Variants in UBE2E2 observed in about 807,000 individuals in gnomAD.
The protein encoded by UBE2E2 is ubiquitin conjugating enzyme E2 E2.
Under a neutral mutation model 24.7 loss-of-function variants are expected in UBE2E2, and 6 were observed. The observed-to-expected ratio is 0.24, with a 90% CI of 0.13 to 0.48. UBE2E2 has a LOEUF of 0.48. Among genes scored for constraint, UBE2E2 ranks in the 20% least tolerant of loss-of-function variants. UBE2E2 has a pLI of 0.99. For synonymous variants in UBE2E2, 104 were observed against 83.6 expected, an observed-to-expected ratio of 1.24 and a Z score of -1.33; for missense variants, 169 against 245.0, an observed-to-expected ratio of 0.69 and a Z score of 2.07.
chr3:23,342,421 A>G (rs1695418541), intron 3 of UBE2E2, among the ~76,000 whole-genome samples: 1 of 152,168 alleles, frequency 6.6e-6, no homozygotes, highest in African/African-American at 2.4e-5. Context: ...TTTATTTAGC[A>G]CAGGAGGGGA....
At chr3:23,523,244 A>G (rs1023251472) in intron 4 of UBE2E2, among the ~76,000 whole-genome samples, 3 of 152,222 alleles carry the variant, frequency 2.0e-5, no homozygotes, top group African/African-American at 7.2e-5. Flanking sequence ...GTAGGAGTTG[A>G]GAGTAATTTG....
At chr3:23,285,452 C>G (rs889157739) in intron 3 of UBE2E2, among the ~76,000 whole-genome samples, 4 of 152,212 alleles carry the variant, frequency 2.6e-5, no homozygotes, top group Admixed American at 2.6e-4. Context: ...AACCTCCAAA[C>G]TGTTCTCTGT....
intron 3 of UBE2E2, among the ~76,000 whole-genome samples, chr3:23,368,654 A>G (rs529857567): frequency 3.3e-5 from 5 of 152,302 alleles, no homozygotes; most frequent in African/African-American, 1.2e-4. Flanking sequence ...GTGGGTGTTA[A>G]TCTTATAAAA....
rs1005690697 is a variant in UBE2E2 at position 23,421,532 on chromosome 3, G to C, written c.228-78076G>C. ...AACAATTCTCCTGTCCCAGCCTCCC[G>C]AGTAGCTGAGATTACAGGCACCTGC... On this transcript the variant is annotated intron_variant, in intron 3 of 5. Coordinates refer to ENST00000396703, the MANE Select transcript of UBE2E2 (RefSeq NM_152653.4). Among the ~76,000 whole-genome samples the C allele has an allele frequency of 2.0e-5, 3 of 152,130 alleles. 1 individual carries two copies. Among genetic ancestry groups the C allele is most frequent in the Non-Finnish European group, 4.4e-5 (3 of 68,010 alleles).
intron 3 of UBE2E2, among the ~76,000 whole-genome samples, chr3:23,301,281 A>C (rs565402408): frequency 6.6e-6 from 1 of 152,184 alleles, no homozygotes; most frequent in Non-Finnish European, 1.5e-5. Flanking sequence ...TCTTCTCTCA[A>C]CTAATCAAAG....
intron 3 of UBE2E2, among the ~76,000 whole-genome samples, chr3:23,402,806 T>G (rs769485479): frequency 2.6e-5 from 4 of 152,210 alleles, no homozygotes; most frequent in Admixed American, 1.3e-4. Flanking sequence ...CTCAAGACCC[T>G]TAGTTTGTGA....
At chr3:23,512,383 A>C (rs1418440645) in intron 4 of UBE2E2, among the ~76,000 whole-genome samples, 1 of 151,684 alleles carries the variant, frequency 6.6e-6, no homozygotes, top group Admixed American at 6.6e-5. Context: ...ATGCCTGGCA[A>C]ATTTTTTTGA....
rs182431937 is a variant in UBE2E2 at position 23,475,278 on chromosome 3, T to C, written c.228-24330T>C. Among the ~76,000 whole-genome samples the C allele has an allele frequency of 1.6e-3, 242 of 152,234 alleles. 2 individuals carry two copies. The highest frequency in any genetic ancestry group is 5.6e-3 in the African/African-American group (232 of 41,468). ...CATAGGGGTTATAAAGACCAACAGT[T>C]GTGAGCACTGTTGACTCACAAATCT... is the stretch of plus-strand genomic sequence containing the variant. On this transcript the variant is annotated intron_variant, in intron 3 of 5. Coordinates refer to ENST00000396703, the MANE Select transcript of UBE2E2 (RefSeq NM_152653.4).
chr3:23,405,351 A>G (rs892216552), intron 3 of UBE2E2, among the ~76,000 whole-genome samples: 21 of 152,160 alleles, frequency 1.4e-4, no homozygotes, highest in Admixed American at 1.3e-3. Flanking sequence ...CACAGTGCCT[A>G]ATGCTTTCAT....
At chr3:23,377,014 C>T (rs1696540114) in intron 3 of UBE2E2, among the ~76,000 whole-genome samples, 1 of 152,182 alleles carries the variant, frequency 6.6e-6, no homozygotes, top group Non-Finnish European at 1.5e-5. Context: ...AATCATTTCA[C>T]AGCAACATAA....
chr3:23,544,508 C>T (rs1212139666), intron 5 of UBE2E2, among the ~76,000 whole-genome samples: 1 of 152,182 alleles, frequency 6.6e-6, no homozygotes, highest in Non-Finnish European at 1.5e-5. Flanking sequence ...AAATTCACCT[C>T]AGCCCTGCCA....
chr3:23,452,974 T>C (rs1408771987), intron 3 of UBE2E2, among the ~76,000 whole-genome samples: 1 of 152,216 alleles, frequency 6.6e-6, no homozygotes, highest in Non-Finnish European at 1.5e-5. Context: ...CATCCTGTTT[T>C]TCCCATAAGT....
intron 3 of UBE2E2, among the ~76,000 whole-genome samples, chr3:23,303,436 G>A (rs561420752): frequency 3.3e-4 from 50 of 152,212 alleles, no homozygotes; most frequent in Middle Eastern, 3.4e-3. Context: ...GTTGGGGACC[G>A]CTGAAATAAC....
At chr3:23,447,092 C>G (rs1442809339) in intron 3 of UBE2E2, among the ~76,000 whole-genome samples, 1 of 152,162 alleles carries the variant, frequency 6.6e-6, no homozygotes, top group Non-Finnish European at 1.5e-5. Context: ...CCATATGTTA[C>G]TAAATGATGT....
chr3:23,393,873 T>C (rs1003046215), intron 3 of UBE2E2, among the ~76,000 whole-genome samples: 2 of 152,234 alleles, frequency 1.3e-5, no homozygotes, highest in Non-Finnish European at 2.9e-5. Context: ...ACATTTGCAC[T>C]TACTCACTTA....
intron 3 of UBE2E2, among the ~76,000 whole-genome samples, chr3:23,483,093 A>G (rs1699290200): frequency 6.6e-6 from 1 of 152,202 alleles, no homozygotes; most frequent in South Asian, 2.1e-4. Flanking sequence ...TAATGTTGAC[A>G]CCATTTAGTT....
chr3:23,415,900 C>T (rs1358178033), intron 3 of UBE2E2, among the ~76,000 whole-genome samples: 1 of 152,016 alleles, frequency 6.6e-6, no homozygotes, highest in African/African-American at 2.4e-5. Context: ...CCCTAGCCTC[C>T]CAGCCCCCGA....
intron 3 of UBE2E2, among the ~76,000 whole-genome samples, chr3:23,371,589 G>T (rs1484216875): frequency 3.3e-5 from 5 of 152,092 alleles, no homozygotes; most frequent in African/African-American, 1.2e-4. Context: ...GAGCATTTTT[G>T]TTAGAAATAT....
chr3:23,244,279 T>G (rs1429492785), intron 3 of UBE2E2, among the ~76,000 whole-genome samples: 1 of 152,200 alleles, frequency 6.6e-6, no homozygotes, highest in Non-Finnish European at 1.5e-5. Context: ...CTTTTATAAT[T>G]ATGTTGTCAC....
Sources: gnomAD v4.1 joint callset for allele counts (sites outside exome capture counted in the v4.1 genomes callset) on GRCh38, gnomAD v4.1.1 for gene constraint, MANE v1.5 for transcripts, NCBI Gene and HGNC (gene_info 2026-07-23, HGNC 2026-07-21) for gene names.